NOTCH2NLR: variants seen among roughly 807,000 people sequenced by gnomAD.
The protein encoded by NOTCH2NLR is notch 2 N-terminal like R (pseudogene).
Under a neutral mutation model 35.6 loss-of-function variants are expected in NOTCH2NLR, and 33 were observed. The ratio of observed to expected loss-of-function variants is 0.93; its 90% CI spans 0.70 to 1.24. The LOEUF is 1.24. NOTCH2NLR is among the 50% of genes most tolerant of loss of function. The pLI, the probability that NOTCH2NLR is intolerant of heterozygous loss-of-function variation, is 0.00. For synonymous variants in NOTCH2NLR, 103 were observed against 141.0 expected (o/e 0.73, Z 1.91); for missense variants, 276 against 362.2 (o/e 0.76, Z 1.93).
chr1:120,745,810 C>A (rs1219073129), intron 1 of NOTCH2NLR, among the ~76,000 whole-genome samples: 10 of 33,238 alleles, frequency 3.0e-4, no homozygotes, highest in Admixed American at 1.2e-3. Context: ...AGAGAGACTG[C>A]ATCTCAAAAA....
chr1:120,734,459 C>G (rs1650894337), intron 1 of NOTCH2NLR, among the ~76,000 whole-genome samples: 1 of 72,910 alleles, frequency 1.4e-5, no homozygotes, highest in Non-Finnish European at 2.5e-5. Flanking sequence ...GACCGAGACT[C>G]AAATTTATGT....
At chr1:120,759,267 C>CTT (rs1169932555) in intron 1 of NOTCH2NLR, among the ~76,000 whole-genome samples, 12 of 33,288 alleles carry the variant, frequency 3.6e-4, no homozygotes, top group East Asian at 6.1e-4. Context: ...CTTCTTTTTG[C>CTT]TTTTTTTTTT....
At chr1:120,792,608 T>C (rs1355912811) in intron 3 of NOTCH2NLR, among the ~76,000 whole-genome samples, 1 of 109,098 alleles carries the variant, frequency 9.2e-6, no homozygotes, top group African/African-American at 5.0e-5. Context: ...TTCAAGTGAT[T>C]CTTCTGCCTC....
At chr1:120,745,951 G>A (rs1276541295) in intron 1 of NOTCH2NLR, among the ~76,000 whole-genome samples, 1 of 26,462 alleles carries the variant, frequency 3.8e-5, no homozygotes, top group Admixed American at 3.8e-4. Flanking sequence ...AGACTGGAGG[G>A]CAGTGGTGCG....
chr1:120,735,392 AT>A (rs1293887517), intron 1 of NOTCH2NLR, among the ~76,000 whole-genome samples: 2 of 89,614 alleles, frequency 2.2e-5, no homozygotes, highest in African/African-American at 8.3e-5. Flanking sequence ...TAAACATCAG[AT>A]TTTTTTTTCT....
intron 1 of NOTCH2NLR, among the ~76,000 whole-genome samples, chr1:120,752,736 A>G (rs1651039742): frequency 1.9e-5 from 1 of 51,736 alleles, no homozygotes; most frequent in East Asian, 4.7e-4. Context: ...ATGCCCAGCT[A>G]ATTTTTTTTT....
In NOTCH2NLR at chr1:120,728,812, C is replaced by CT. The variant is rs1348211431; in HGVS notation, c.73+4575dup. On this transcript the variant is annotated intron_variant, in intron 1 of 4. Transcript: ENST00000624419. ...ATGTACATTTAGTAAAGTATATTTG[C>CT]TTTTTTTTTTTTTGAACCAAGAGAG... is the stretch of plus-strand genomic sequence containing the variant. 2.5e-3 allele frequency among the ~76,000 whole-genome samples: 250 copies of CT among 101,962 alleles called. 28 individuals carry two copies. Among genetic ancestry groups the CT allele is most frequent in the East Asian group, 3.3e-3 (14 of 4,286 alleles). 66.9% of individuals were successfully genotyped at this position (101,962 alleles called of 152,430 possible).
chr1:120,745,871 T>A, intron 1 of NOTCH2NLR, among the ~76,000 whole-genome samples: 1 of 64,528 alleles, frequency 1.5e-5, no homozygotes, highest in Non-Finnish European at 2.7e-5. Context: ...ACAAAAATAG[T>A]CAGTGGCAGT....
chr1:120,724,358 C>G, intron 1 of NOTCH2NLR, 108 bp downstream of exon 1: 1 of 1,351,574 alleles, frequency 7.4e-7, no homozygotes, highest in Non-Finnish European at 9.6e-7. Flanking sequence ...GCTCGGCCGC[C>G]GGCGCGGAGT....
At chr1:120,783,885 T>C (rs1413032818) in intron 2 of NOTCH2NLR, among the ~76,000 whole-genome samples, 1 of 105,554 alleles carries the variant, frequency 9.5e-6, no homozygotes, top group Non-Finnish European at 1.8e-5. Flanking sequence ...CAATTCTCCC[T>C]ATAGGAGAGA....
At position 120,779,723 on chromosome 1, in the gene NOTCH2NLR, C is replaced by G. The variant is rs1173511007; in HGVS notation, c.156-5251C>G. 5.4e-4 allele frequency among the ~76,000 whole-genome samples: 66 copies of G among 121,698 alleles called. 11 individuals are homozygous for G. Among genetic ancestry groups the G allele is most frequent in the Admixed American group, 1.1e-3 (14 of 12,656 alleles). The allele number at this position is 121,698 out of a possible 152,430, so 79.8% of individuals were successfully genotyped here. ...TGTTGGGTGTTTAGCCATGTTTTCA[C>G]TCTCTAACCAAATTCAACTTTAGCC... On this transcript the variant is annotated intron_variant, in intron 2 of 4. Coordinates refer to ENST00000624419, the Ensembl canonical transcript of NOTCH2NLR.
At position 120,793,408 on chromosome 1, in the gene NOTCH2NLR, G is replaced by C. The variant is rs1235253322; in HGVS notation, c.663G>C (p.Leu221=). The change falls in exon 4 of 5, where the codon CTG becomes CTC. Residue 221 remains leucine (L), a synonymous_variant. Coordinates refer to ENST00000624419, the Ensembl canonical transcript of NOTCH2NLR. Reference sequence around the variant, plus strand: ...TCACAGGCCAGTACTGTGACAGACTGTATGTGCCCTGTGCACACTCGCCTT... The same window carrying C: ...TCACAGGCCAGTACTGTGACAGACTCTATGTGCCCTGTGCACACTCGCCTT... 8 of 1,441,728 alleles carry C rather than the reference G, an allele frequency of 5.5e-6. No individual in the cohort carries two copies. The Admixed American group carries it at 9.8e-5, about 18-fold the overall frequency. 89.3% of individuals were successfully genotyped at this position (1,441,728 alleles called of 1,614,324 possible).
In NOTCH2NLR at chr1:120,790,458, G is replaced by C. The variant is rs1283562243; in HGVS notation, c.416-2703G>C. Among the ~76,000 whole-genome samples the C allele has an allele frequency of 1.7e-5, 2 of 117,010 alleles. 1 individual carries two copies. Among genetic ancestry groups the C allele is most frequent in the Non-Finnish European group, 3.3e-5 (2 of 60,960 alleles). The allele number at this position is 117,010 out of a possible 152,430, so 76.8% of individuals were successfully genotyped here. A position where few individuals can be genotyped will look rare whatever the true frequency, so the allele number is the denominator to read the frequency against. ...ATCTCCACTCAGAGATGAAGAAGCAGAGGCAGCAAGTTAGTGCCTATACAT... is the reference window on the plus strand; with the variant it reads ...ATCTCCACTCAGAGATGAAGAAGCACAGGCAGCAAGTTAGTGCCTATACAT... On this transcript the variant is annotated intron_variant, in intron 3 of 4. Coordinates refer to ENST00000624419, the Ensembl canonical transcript of NOTCH2NLR.
In NOTCH2NLR at chr1:120,727,463, G is replaced by A; in HGVS notation, c.73+3213G>A. 1.8e-5 allele frequency among the ~76,000 whole-genome samples: 2 copies of A among 113,276 alleles called. 1 individual carries two copies. Among genetic ancestry groups the A allele is most frequent in the African/African-American group, 1.1e-4 (2 of 18,774 alleles). The allele number at this position is 113,276 out of a possible 152,430, so 74.3% of individuals were successfully genotyped here. On this transcript the variant is annotated intron_variant, in intron 1 of 4. Transcript: ENST00000624419. Reference sequence around the variant, plus strand: ...TGTCATTTCTTCTGTTTATCTGGGTGCAGTATGTCTGCATTGACCCTTTAG... The same window carrying A: ...TGTCATTTCTTCTGTTTATCTGGGTACAGTATGTCTGCATTGACCCTTTAG...
Position 120,764,098 on chromosome 1 carries a change from T to A in NOTCH2NLR, c.155+389T>A, listed in dbSNP as rs1651162913. On this transcript the variant is annotated intron_variant, in intron 2 of 4. Transcript: ENST00000624419. ...CCTATCTCTACTAAAAATACAAAAA[T>A]TAGCCAGGTGTGGTGGCGCATGACT... 1.8e-5 allele frequency among the ~76,000 whole-genome samples: 2 copies of A among 108,386 alleles called. 1 individual carries two copies. Among genetic ancestry groups the A allele is most frequent in the Non-Finnish European group, 3.5e-5 (2 of 57,046 alleles). The allele number at this position is 108,386 out of a possible 152,430, so 71.1% of individuals were successfully genotyped here.
intron 3 of NOTCH2NLR, among the ~76,000 whole-genome samples, chr1:120,787,277 A>G: frequency 1.4e-5 from 1 of 69,694 alleles, no homozygotes. Context: ...CTGCAGGCTG[A>G]GGAGCAAGGA....
Position 120,723,992 on chromosome 1 carries a change from C to T in NOTCH2NLR, c.-186C>T, listed in dbSNP as rs1262570899. ...GAGGCGGCGGCCGAGGAGCGGCGGA[C>T]TCGGGGCGCGGGGAGTCGAGGCATT... On this transcript the variant is annotated 5_prime_UTR_variant, in exon 1 of 5. Coordinates refer to ENST00000624419, the Ensembl canonical transcript of NOTCH2NLR. The T allele has an allele frequency of 3.3e-6, 4 of 1,207,754 alleles. 1 individual carries two copies. The highest frequency in any genetic ancestry group is 4.1e-6 in the Non-Finnish European group (4 of 964,162). The allele number at this position is 1,207,754 out of a possible 1,614,324, so 74.8% of individuals were successfully genotyped here. A position where few individuals can be genotyped will look rare whatever the true frequency, so the allele number is the denominator to read the frequency against.
intron 1 of NOTCH2NLR, among the ~76,000 whole-genome samples, 168 bp from the exon 2 acceptor site, chr1:120,763,460 G>A (rs1396613819): frequency 2.8e-5 from 3 of 107,080 alleles, no homozygotes; most frequent in African/African-American, 6.0e-5. Context: ...ATAGTTTTGG[G>A]ATGGGCTTCT....
chr1:120,778,599 A>G, intron 2 of NOTCH2NLR, among the ~76,000 whole-genome samples: 1 of 27,658 alleles, frequency 3.6e-5, no homozygotes, highest in South Asian at 7.2e-4. Flanking sequence ...TGAATGGCCA[A>G]ATCCTCGTTT....
Sources: allele counts gnomAD v4.1 joint callset (sites outside exome capture counted in the v4.1 genomes callset), GRCh38; gene constraint gnomAD v4.1.1; transcripts MANE v1.5; gene names NCBI Gene and HGNC (gene_info 2026-07-23, HGNC 2026-07-21).